Variants in COX7B2 observed in about 807,000 individuals in gnomAD.
The protein encoded by COX7B2 is cytochrome c oxidase subunit 7B2, mitochondrial.
For synonymous variants in COX7B2, 37 were observed against 32.1 expected (o/e 1.15, Z -0.51); for missense variants, 109 against 95.9 (o/e 1.14, Z -0.57).
chr4:46,870,619 A>T (rs1717930413), intron 1 of COX7B2, among the ~76,000 whole-genome samples: 1 of 152,166 alleles, frequency 6.6e-6, no homozygotes. Context: ...CCAGCTGATA[A>T]ACAACATCAC....
intron 2 of COX7B2, among the ~76,000 whole-genome samples, chr4:46,800,058 T>C (rs577163854): frequency 6.6e-6 from 1 of 152,204 alleles, no homozygotes; most frequent in East Asian, 1.9e-4. Flanking sequence ...TTTAGGAATA[T>C]AGCTAACCAG....
intron 2 of COX7B2, among the ~76,000 whole-genome samples, chr4:46,794,692 A>C (rs1718229048): frequency 6.6e-6 from 1 of 152,210 alleles, no homozygotes; most frequent in Non-Finnish European, 1.5e-5. Context: ...TCAACTGCCA[A>C]AGACAAGGTG....
At chr4:46,803,596 AGT>A (rs1164492869) in intron 2 of COX7B2, among the ~76,000 whole-genome samples, 1 of 152,096 alleles carries the variant, frequency 6.6e-6, no homozygotes, top group Non-Finnish European at 1.5e-5. Context: ...TCCCTCCAAA[AGT>A]GTTTAGCATA....
intron 2 of COX7B2, among the ~76,000 whole-genome samples, chr4:46,818,723 A>C (rs1714034396): frequency 6.6e-6 from 1 of 152,214 alleles, no homozygotes. Context: ...GTACACAAAA[A>C]TTTTGTCATT....
At chr4:46,892,494 A>ACTTTAATGACTTC (rs1389278334) in intron 1 of COX7B2, among the ~76,000 whole-genome samples, 2 of 152,162 alleles carry the variant, frequency 1.3e-5, no homozygotes, top group Non-Finnish European at 2.9e-5. Flanking sequence ...CATATGAGTT[A>ACTTTAATGACTTC]CTTTAATGAC....
chr4:46,791,437 G>A (rs572420975), intron 2 of COX7B2, among the ~76,000 whole-genome samples: 2 of 152,236 alleles, frequency 1.3e-5, no homozygotes, highest in African/African-American at 4.8e-5. Flanking sequence ...ATCTTAACTC[G>A]CCTTGGTATT....
intron 1 of COX7B2, among the ~76,000 whole-genome samples, chr4:46,845,446 T>C (rs1040335620): frequency 3.9e-5 from 6 of 151,944 alleles, no homozygotes; most frequent in African/African-American, 1.4e-4. Context: ...TTCTCTAATG[T>C]TTGAGCCCTA....
intron 2 of COX7B2, among the ~76,000 whole-genome samples, chr4:46,784,858 T>C (rs1465996408): frequency 6.6e-6 from 1 of 152,252 alleles, no homozygotes; most frequent in Non-Finnish European, 1.5e-5. Flanking sequence ...TGTAAAATAC[T>C]AAATATCATC....
chr4:46,820,833 A>T (rs1714225122), intron 2 of COX7B2, among the ~76,000 whole-genome samples: 1 of 144,578 alleles, frequency 6.9e-6, no homozygotes, highest in Admixed American at 6.9e-5. Context: ...AAAAAAAAAA[A>T]AATATATATA....
intron 2 of COX7B2, among the ~76,000 whole-genome samples, chr4:46,830,106 A>T (rs1486772968): frequency 6.6e-6 from 1 of 152,046 alleles, no homozygotes; most frequent in Non-Finnish European, 1.5e-5. Context: ...CGTGCAGATC[A>T]TGAAGTCAGG....
intron 1 of COX7B2, among the ~76,000 whole-genome samples, chr4:46,877,110 T>C (rs7660277): frequency 0.52 from 78,527 of 151,994 alleles, 20,476 homozygotes; most frequent in East Asian, 0.67. Flanking sequence ...AATTCCTAAA[T>C]ACAAAATAGA....
chr4:46,850,146 T>G (rs527804983), intron 1 of COX7B2, among the ~76,000 whole-genome samples: 1 of 151,786 alleles, frequency 6.6e-6, no homozygotes, highest in African/African-American at 2.4e-5. Flanking sequence ...GATACTGATT[T>G]AAAAATGATT....
At chr4:46,787,924 C>G (rs528596586) in intron 2 of COX7B2, among the ~76,000 whole-genome samples, 3 of 152,278 alleles carry the variant, frequency 2.0e-5, no homozygotes, top group African/African-American at 7.2e-5. Context: ...TGTCTTCTCA[C>G]TTACTCAATT....
At chr4:46,792,403 G>A (rs769258723) in intron 2 of COX7B2, among the ~76,000 whole-genome samples, 4 of 152,130 alleles carry the variant, frequency 2.6e-5, no homozygotes, top group Admixed American at 6.5e-5. Flanking sequence ...AGTAAAGCAC[G>A]TTGTCCTCCC....
intron 2 of COX7B2, among the ~76,000 whole-genome samples, chr4:46,736,885 T>C (rs754454564): frequency 3.3e-5 from 5 of 152,222 alleles, no homozygotes; most frequent in Non-Finnish European, 7.3e-5. Flanking sequence ...CTTCTAAGAT[T>C]CAATTAGTAC....
chr4:46,895,059 C>T (rs1719666954), intron 1 of COX7B2, among the ~76,000 whole-genome samples: 1 of 152,112 alleles, frequency 6.6e-6, no homozygotes, highest in Non-Finnish European at 1.5e-5. Flanking sequence ...TTAGTTCAAC[C>T]ATTGTGGAAA....
intron 2 of COX7B2, among the ~76,000 whole-genome samples, chr4:46,752,860 C>G (rs887362764): frequency 2.0e-5 from 3 of 151,846 alleles, no homozygotes; most frequent in African/African-American, 4.8e-5. Context: ...TGTTCATCAG[C>G]GATATTGGTC....
At chr4:46,801,329 G>A (rs140497500) in intron 2 of COX7B2, among the ~76,000 whole-genome samples, 160 of 152,168 alleles carry the variant, frequency 1.1e-3, no homozygotes, top group African/African-American at 3.6e-3. Context: ...ACAGGGAATC[G>A]ACATAGATGC....
chr4:46,878,176 C>A (rs537867359), intron 1 of COX7B2, among the ~76,000 whole-genome samples: 2 of 151,476 alleles, frequency 1.3e-5, no homozygotes, highest in South Asian at 4.2e-4. Context: ...CACTTATATG[C>A]GGAAGTTTTT....
Sources: gnomAD v4.1 joint callset for allele counts (sites outside exome capture counted in the v4.1 genomes callset) on GRCh38, gnomAD v4.1.1 for gene constraint, MANE v1.5 for transcripts, NCBI Gene and HGNC (gene_info 2026-07-23, HGNC 2026-07-21) for gene names.